Variants in VPS13D observed in about 807,000 individuals in gnomAD.
VPS13D encodes intermembrane lipid transfer protein VPS13D.
Under a neutral mutation model 461.9 loss-of-function variants are expected in VPS13D, and 187 were observed. The ratio of observed to expected loss-of-function variants is 0.40; its 90% CI spans 0.36 to 0.46. The LOEUF (loss-of-function observed/expected upper bound fraction) is 0.46, where lower values mean the gene tolerates loss of function less well. Ranked by LOEUF, VPS13D falls within the 20% of genes least tolerant of loss-of-function variation. VPS13D has a pLI of 0.60. For synonymous variants in VPS13D, 1,951 were observed against 1,986.3 expected (o/e 0.98, Z 0.47); for missense variants, 4,711 against 5,364.9 (o/e 0.88, Z 3.81).
At chr1:12,423,395 AAAAAT>A (rs766046246) in intron 65 of VPS13D, among the ~76,000 whole-genome samples, 21 of 152,164 alleles carry the variant, frequency 1.4e-4, no homozygotes, top group Admixed American at 2.0e-4. Context: ...AATAAACCAA[AAAAAT>A]AAAATAAAAA....
chr1:12,302,828 A>G (rs1642461819), intron 25 of VPS13D, among the ~76,000 whole-genome samples: 1 of 147,072 alleles, frequency 6.8e-6, no homozygotes, highest in Non-Finnish European at 1.5e-5. Flanking sequence ...ATTGAAAAGA[A>G]TTCCTTTTTT....
intron 35 of VPS13D, among the ~76,000 whole-genome samples, chr1:12,324,377 T>C (rs1380954739): frequency 6.6e-6 from 1 of 152,134 alleles, no homozygotes; most frequent in Non-Finnish European, 1.5e-5. Flanking sequence ...TGGTGGCTCA[T>C]GCCTGTAATC....
At chr1:12,487,990 T>C (rs933270407) in intron 67 of VPS13D, among the ~76,000 whole-genome samples, 1 of 152,176 alleles carries the variant, frequency 6.6e-6, no homozygotes, top group Non-Finnish European at 1.5e-5. Flanking sequence ...TAGCTCGTTT[T>C]AAAAAGCTCT....
At chr1:12,266,760 T>A in intron 13 of VPS13D, 121 bp from the exon 14 acceptor site, 1 of 983,842 alleles carries the variant, frequency 1.0e-6, no homozygotes, top group Non-Finnish European at 1.4e-6. Context: ...TTTGTTTGTT[T>A]AATTTCAAGG....
At chr1:12,435,836 C>T (rs1645053723) in intron 65 of VPS13D, among the ~76,000 whole-genome samples, 1 of 151,980 alleles carries the variant, frequency 6.6e-6, no homozygotes, top group Non-Finnish European at 1.5e-5. Flanking sequence ...CCTGTGCTAC[C>T]CTGTGTTGTA....
chr1:12,321,790 A>AT lies in VPS13D; in HGVS notation c.7549-17dup, dbSNP rs1483904041. ...TAAATCAGACATTAATTCTCGCCAT[A>AT]TTGCATTTCATTCTGTAGGTGTTTT... On this transcript the variant is annotated intron_variant, in intron 32 of 69. Coordinates refer to ENST00000620676, the MANE Select transcript of VPS13D (RefSeq NM_015378.4). 6.3e-7 allele frequency: 1 copy of AT among 1,590,616 alleles called. No individual in the cohort carries two copies. The highest frequency in any genetic ancestry group is 1.9e-5 in the Admixed American group (1 of 53,506).
chr1:12,339,313 A>C (rs1201921066), intron 40 of VPS13D, among the ~76,000 whole-genome samples: 2 of 152,094 alleles, frequency 1.3e-5, no homozygotes, highest in Non-Finnish European at 2.9e-5. Flanking sequence ...TATTCACTTG[A>C]CCTCCTAGTA....
chr1:12,316,185 C>T (rs571334456), intron 30 of VPS13D, among the ~76,000 whole-genome samples: 1 of 152,090 alleles, frequency 6.6e-6, no homozygotes, highest in African/African-American at 2.4e-5. Flanking sequence ...GTAGTTGTCT[C>T]CTTCTTATCA....
intron 68 of VPS13D, among the ~76,000 whole-genome samples, chr1:12,504,050 TCA>T (rs1244055017): frequency 6.6e-6 from 1 of 152,164 alleles, no homozygotes; most frequent in African/African-American, 2.4e-5. Context: ...GCTGCTTCTC[TCA>T]CAGAGTGACA....
intron 5 of VPS13D, among the ~76,000 whole-genome samples, chr1:12,248,522 T>G (rs1640633344): frequency 6.6e-6 from 1 of 152,126 alleles, no homozygotes; most frequent in African/African-American, 2.4e-5. Context: ...AAAAAAAATT[T>G]TTAGTAGAAG....
At position 12,426,843 on chromosome 1, in the gene VPS13D, G is replaced by A. The variant is rs1371599761; in HGVS notation, c.12333+10016G>A. ...ACCAGCCTTAACATGGTGAAACGTC[G>A]TCTCTACTAAAAATAAAAAAATTAG... On this transcript the variant is annotated intron_variant, in intron 65 of 69. Transcript: ENST00000620676. Among the ~76,000 whole-genome samples, 4 of 152,064 alleles carry A rather than the reference G, an allele frequency of 2.6e-5. No homozygotes were observed. The East Asian group carries it at 5.8e-4, about 22-fold the overall frequency.
intron 60 of VPS13D, 58 bp from the exon 61 acceptor site, chr1:12,400,123 G>T: frequency 6.3e-7 from 1 of 1,582,798 alleles, no homozygotes; most frequent in Non-Finnish European, 8.6e-7. Flanking sequence ...GCGTAAAAAT[G>T]AAAACTGAGC....
At chr1:12,270,087 C>G (rs890474676) in intron 16 of VPS13D, among the ~76,000 whole-genome samples, 2 of 151,460 alleles carry the variant, frequency 1.3e-5, no homozygotes, top group African/African-American at 4.9e-5. Flanking sequence ...GCTGGGAGTT[C>G]GAGGCTGCAG....
intron 33 of VPS13D, 35 bp downstream of exon 33, chr1:12,321,999 G>A (rs949680112): frequency 2.5e-6 from 4 of 1,609,828 alleles, no homozygotes; most frequent in Non-Finnish European, 3.4e-6. Flanking sequence ...ACGTTGATAT[G>A]CTCTCAAACA....
intron 35 of VPS13D, among the ~76,000 whole-genome samples, chr1:12,327,170 G>C (rs960353302): frequency 5.3e-5 from 8 of 152,248 alleles, no homozygotes; most frequent in Non-Finnish European, 7.3e-5. Context: ...AGAGCCAGCA[G>C]CTGGTAAGGG....
At chr1:12,460,467 A>T (rs548371038) in intron 67 of VPS13D, 71 bp downstream of exon 67, 1 of 1,372,626 alleles carries the variant, frequency 7.3e-7, no homozygotes, top group Non-Finnish European at 9.6e-7. Flanking sequence ...ATCCATACTG[A>T]TGTGTTTAAT....
intron 39 of VPS13D, chr1:12,336,879 G>A (rs1023941863): frequency 2.6e-5 from 4 of 152,196 alleles, no homozygotes; most frequent in Non-Finnish European, 4.4e-5. Context: ...CTACCCAGAA[G>A]ACTCTAAATA....
At chr1:12,345,068 A>G (rs1643645828) in intron 42 of VPS13D, 2 of 247,572 alleles carry the variant, frequency 8.1e-6, no homozygotes, top group South Asian at 1.2e-4. Flanking sequence ...ACATCATTAT[A>G]TAGGTTGGGG....
At chr1:12,294,558 A>G (rs1642221047) in intron 24 of VPS13D, among the ~76,000 whole-genome samples, 1 of 151,692 alleles carries the variant, frequency 6.6e-6, no homozygotes, top group Admixed American at 6.6e-5. Flanking sequence ...TCACGCCTGT[A>G]AATCCTAGCA....
Sources: gnomAD v4.1 joint callset for allele counts (sites outside exome capture counted in the v4.1 genomes callset) on GRCh38, gnomAD v4.1.1 for gene constraint, MANE v1.5 for transcripts, NCBI Gene and HGNC (gene_info 2026-07-23, HGNC 2026-07-21) for gene names.